TDRD12: variants seen among roughly 807,000 people sequenced by gnomAD.
The protein encoded by TDRD12 is putative ATP-dependent RNA helicase TDRD12.
TDRD12 carries 158 observed loss-of-function variants against 133.5 expected under a neutral mutation model. That is an observed-to-expected ratio of 1.18 (90% CI 1.04 to 1.35). The LOEUF (loss-of-function observed/expected upper bound fraction) is 1.35. TDRD12 is among the 40% of genes most tolerant of loss of function. The pLI is 0.00. For missense variants in TDRD12, 1,443 were observed against 1,321.3 expected, an observed-to-expected ratio of 1.09 and a Z score of -1.43; for synonymous variants, 460 against 477.9, an observed-to-expected ratio of 0.96 and a Z score of 0.49.
intron 11 of TDRD12, among the ~76,000 whole-genome samples, chr19:32,780,187 G>A (rs1337671286): frequency 1.3e-5 from 2 of 150,450 alleles, no homozygotes; most frequent in Non-Finnish European, 2.9e-5. Flanking sequence ...GGGTTCAAGC[G>A]ATTCTCCTGC....
At chr19:32,740,280 G>C (rs529283516) in intron 3 of TDRD12, among the ~76,000 whole-genome samples, 3 of 70,774 alleles carry the variant, frequency 4.2e-5, no homozygotes, top group Non-Finnish European at 7.3e-5. Context: ...TCTCCTGGGC[G>C]CTCTCTGCAT....
In TDRD12 at chr19:32,826,680, C is replaced by G. The variant is rs985655011; in HGVS notation, c.1049+82C>G. ...GCTCACTGTCAGCTGTTCTCTTGAA[C>G]AGAACCCCAACGTGGCTTTTGATTT... On this transcript the variant is annotated intron_variant, in intron 9 of 9. Coordinates refer to the TDRD12 transcript ENST00000637289. 12 of 603,982 alleles carry G rather than the reference C, an allele frequency of 2.0e-5. No individual in the cohort carries two copies. Among genetic ancestry groups the G allele is most frequent in the Non-Finnish European group, 2.5e-5 (12 of 471,874 alleles). 37.4% of individuals were successfully genotyped at this position (603,982 alleles called of 1,614,324 possible).
intron 23 of TDRD12, among the ~76,000 whole-genome samples, chr19:32,810,818 G>A (rs1966977414): frequency 6.6e-6 from 1 of 152,140 alleles, no homozygotes; most frequent in South Asian, 2.1e-4. Context: ...CTTGAGCCCA[G>A]GAGGTCGAGG....
intron 14 of TDRD12, among the ~76,000 whole-genome samples, chr19:32,795,378 G>C (rs993348184): frequency 6.6e-6 from 1 of 151,202 alleles, no homozygotes; most frequent in Non-Finnish European, 1.5e-5. Flanking sequence ...AATGGATATC[G>C]AGTGTGTAAA....
intron 27 of TDRD12, among the ~76,000 whole-genome samples, chr19:32,818,720 G>T (rs1967272958): frequency 6.6e-6 from 1 of 152,174 alleles, no homozygotes; most frequent in South Asian, 2.1e-4. Context: ...CTCCACTGGG[G>T]AGCATGGAGT....
At position 32,752,341 on chromosome 19, in the gene TDRD12, G is replaced by A. The variant is rs1474067142; in HGVS notation, c.582+2472G>A. Among the ~76,000 whole-genome samples, 4 of 151,914 alleles carry A rather than the reference G, an allele frequency of 2.6e-5. No homozygotes were observed. In the East Asian group the frequency reaches 5.8e-4, roughly 22 times the overall value. On this transcript the variant is annotated intron_variant, in intron 6 of 27. Transcript: ENST00000444215. The stretch of plus-strand genomic sequence containing the variant: ...ATAACAGGTGCCTGCCACCACACCG[G>A]CTAATTTTTTGTATTTTTAGTAGAG...
intron 27 of TDRD12, 136 bp downstream of exon 27, chr19:32,818,293 C>G (rs1189303320): frequency 8.2e-6 from 5 of 607,112 alleles, no homozygotes; most frequent in African/African-American, 1.9e-5. Flanking sequence ...GTTCCAGGAG[C>G]AGGGATGAAG....
chr19:32,768,443 G>A (rs1970358841), intron 8 of TDRD12, among the ~76,000 whole-genome samples: 2 of 149,740 alleles, frequency 1.3e-5, no homozygotes, highest in Non-Finnish European at 1.5e-5. Context: ...AAGCTGGAGT[G>A]CAGTGGTGTG....
intron 6 of TDRD12, among the ~76,000 whole-genome samples, chr19:32,751,203 G>A (rs2145522555): frequency 6.7e-6 from 1 of 150,088 alleles, no homozygotes; most frequent in East Asian, 2.0e-4. Flanking sequence ...AACATGCAGT[G>A]TTTGTTTTTC....
intron 9 of TDRD12, 57 bp downstream of exon 32, chr19:32,826,806 A>G (rs1967607989): frequency 1.9e-6 from 2 of 1,073,074 alleles, no homozygotes; most frequent in East Asian, 6.4e-5. Flanking sequence ...GCAGTGAGGG[A>G]CACCATCACC....
intron 4 of TDRD12, among the ~76,000 whole-genome samples, chr19:32,743,288 C>T (rs946101871): frequency 6.6e-6 from 1 of 152,186 alleles, no homozygotes; most frequent in African/African-American, 2.4e-5. Flanking sequence ...TTCCAGCAAT[C>T]CTCCTACCTC....
intron 27 of TDRD12, among the ~76,000 whole-genome samples, chr19:32,820,537 C>T (rs189931801): frequency 9.9e-5 from 15 of 152,160 alleles, no homozygotes; most frequent in African/African-American, 2.4e-4. Flanking sequence ...TGGGGCAGCA[C>T]GTTGAATTTA....
intron 11 of TDRD12, among the ~76,000 whole-genome samples, chr19:32,779,705 G>A (rs977973681): frequency 2.0e-5 from 3 of 152,162 alleles, no homozygotes; most frequent in African/African-American, 7.2e-5. Flanking sequence ...CCCAGCCCGT[G>A]GAAATATGCT....
chr19:32,784,667 G>A (rs547436703), intron 11 of TDRD12, among the ~76,000 whole-genome samples: 314 of 152,274 alleles, frequency 2.1e-3, no homozygotes, highest in Non-Finnish European at 2.4e-3. Flanking sequence ...TTCAGAACCT[G>A]TTACTGGTCT....
intron 1 of TDRD12, among the ~76,000 whole-genome samples, chr19:32,727,789 C>G (rs1968907561): frequency 1.3e-5 from 2 of 152,188 alleles, no homozygotes; most frequent in South Asian, 2.1e-4. Context: ...TTGGCGTAGC[C>G]TCCTGAGTAG....
chr19:32,794,583 G>T, intron 13 of TDRD12, 45 bp from the exon 14 acceptor site: 1 of 687,554 alleles, frequency 1.5e-6, no homozygotes, highest in Non-Finnish European at 2.7e-6. Context: ...GTTTTTGTTA[G>T]TTTTCTCTAC....
intron 13 of TDRD12, among the ~76,000 whole-genome samples, chr19:32,793,885 C>T (rs1599594273): frequency 6.7e-6 from 1 of 149,884 alleles, no homozygotes; most frequent in Middle Eastern, 3.4e-3. Flanking sequence ...ACCTGTGCCT[C>T]CCGGGTTCAA....
intron 27 of TDRD12, among the ~76,000 whole-genome samples, chr19:32,820,601 A>C (rs1233085009): frequency 6.6e-6 from 1 of 152,250 alleles, no homozygotes; most frequent in Non-Finnish European, 1.5e-5. Context: ...TTAGATAGAA[A>C]GGCATAGAAG....
rs5827820 is a variant in TDRD12 at position 32,764,103 on chromosome 19, CTTTTTTTTTTTTTT to C, written c.865+6985_865+6998del. Among the ~76,000 whole-genome samples the C allele has an allele frequency of 9.3e-4, 67 of 72,338 alleles. 1 individual carries two copies. Among genetic ancestry groups the C allele is most frequent in the African/African-American group, 3.6e-3 (63 of 17,480 alleles). 47.5% of individuals were successfully genotyped at this position (72,338 alleles called of 152,430 possible). Reference sequence around the variant, plus strand: ...TTCTTTTTTTACTTGTATTGTCCATCTTTTTTTTTTTTTTTTTTTTTTTTTGAGATGGAGTCTCA... The same window carrying C: ...TTCTTTTTTTACTTGTATTGTCCATCTTTTTTTTTTTGAGATGGAGTCTCA... On this transcript the variant is annotated intron_variant, in intron 8 of 27. Coordinates refer to ENST00000444215, the Ensembl canonical transcript of TDRD12.
Sources: allele counts gnomAD v4.1 joint callset (sites outside exome capture counted in the v4.1 genomes callset), GRCh38; gene constraint gnomAD v4.1.1; transcripts MANE v1.5; gene names NCBI Gene and HGNC (gene_info 2026-07-23, HGNC 2026-07-21).